The following PDE4D variants were observed in gnomAD, a reference collection of about 807,000 sequenced individuals.
PDE4D encodes the protein 3',5'-cyclic-AMP phosphodiesterase 4D.
A neutral mutation model predicts 87.4 loss-of-function variants in PDE4D; 24 were observed. That is an observed-to-expected ratio of 0.27 (90% CI 0.20 to 0.39). The LOEUF is 0.39. PDE4D is among the 10% of genes least tolerant of loss of function. The probability of loss-of-function intolerance (pLI) is 1.00; values close to 1 mark genes in which losing one functional copy is unlikely to be tolerated. For missense variants in PDE4D, 714 were observed against 1,041.0 expected (o/e 0.69, Z 4.32); for synonymous variants, 384 against 383.2 (o/e 1.00, Z -0.02).
At chr5:59,414,138 T>C (rs1562141789) in intron 1 of PDE4D, among the ~76,000 whole-genome samples, 1 of 152,234 alleles carries the variant, frequency 6.6e-6, no homozygotes, top group Non-Finnish European at 1.5e-5. Context: ...AGAGTTCACG[T>C]GCTCCATCTG....
intron 2 of PDE4D, among the ~76,000 whole-genome samples, chr5:60,146,559 T>G (rs1646556902): frequency 6.6e-6 from 1 of 152,206 alleles, no homozygotes. Context: ...CCTTCTTGCT[T>G]TCATAAAGGA....
intron 2 of PDE4D, among the ~76,000 whole-genome samples, chr5:60,002,458 C>A (rs575484946): frequency 2.6e-4 from 39 of 152,088 alleles, no homozygotes; most frequent in African/African-American, 8.4e-4. Flanking sequence ...CAGATAAGGA[C>A]CCTATAAGAA....
chr5:59,711,300 C>G (rs1396980738), intron 1 of PDE4D, among the ~76,000 whole-genome samples: 1 of 151,916 alleles, frequency 6.6e-6, no homozygotes, highest in Non-Finnish European at 1.5e-5. Flanking sequence ...CATAATTGCC[C>G]TTAGTATAAT....
At chr5:60,200,432 G>C (rs1445853822) in intron 1 of PDE4D, among the ~76,000 whole-genome samples, 1 of 151,168 alleles carries the variant, frequency 6.6e-6, no homozygotes, top group Non-Finnish European at 1.5e-5. Flanking sequence ...TGACCCAAAA[G>C]AAACTATTCT....
At chr5:60,231,696 A>G (rs1459261703) in intron 1 of PDE4D, among the ~76,000 whole-genome samples, 1 of 151,960 alleles carries the variant, frequency 6.6e-6, no homozygotes, top group African/African-American at 2.4e-5. Context: ...TTCAAATAAG[A>G]CAGTTGTAAT....
chr5:59,865,484 C>T (rs571771830), intron 1 of PDE4D, among the ~76,000 whole-genome samples: 1 of 152,144 alleles, frequency 6.6e-6, no homozygotes, highest in East Asian at 1.9e-4. Flanking sequence ...ACTGCCACAG[C>T]CTTTTGTAGA....
chr5:59,536,504 C>CAAAAAAAAAAAAAAAAAAAAAAAAAAA (rs10586960), intron 1 of PDE4D, among the ~76,000 whole-genome samples: 1 of 56,384 alleles, frequency 1.8e-5, no homozygotes, highest in African/African-American at 9.3e-5. Flanking sequence ...GACTCAGCCT[C>CAAAAAAAAAAAAAAAAAAAAAAAAAAA]AAAAAAAAAA....
At chr5:59,220,228 G>A (rs1752191626) in intron 1 of PDE4D, among the ~76,000 whole-genome samples, 1 of 148,080 alleles carries the variant, frequency 6.8e-6, no homozygotes, top group Admixed American at 6.7e-5. Flanking sequence ...GTAGAAAACA[G>A]AGTAGAGGCT....
chr5:60,125,492 T>C (rs1779053639), intron 2 of PDE4D, among the ~76,000 whole-genome samples: 2 of 152,210 alleles, frequency 1.3e-5, no homozygotes, highest in Admixed American at 6.5e-5. Context: ...ATCCCCTTTA[T>C]TGGGCAGGTA....
intron 1 of PDE4D, among the ~76,000 whole-genome samples, chr5:60,430,546 TTTG>T (rs1156941106): frequency 8.6e-6 from 1 of 116,532 alleles, no homozygotes; most frequent in Non-Finnish European, 1.7e-5. Context: ...TTTTTTTTTG[TTTG>T]TTTTTTTTTT....
intron 5 of PDE4D, among the ~76,000 whole-genome samples, chr5:59,058,790 C>T (rs1006376119): frequency 6.6e-6 from 1 of 152,248 alleles, no homozygotes; most frequent in African/African-American, 2.4e-5. Flanking sequence ...AAAAAAATCA[C>T]TTCCGTAAGT....
At position 58,974,508 on chromosome 5, in the gene PDE4D, T is replaced by C. The variant is rs1329107596; in HGVS notation, c.*156A>G. 1.8e-6 allele frequency: 1 copy of C among 555,926 alleles called. No homozygotes were observed. Among genetic ancestry groups the C allele is most frequent in the Non-Finnish European group, 3.0e-6 (1 of 331,152 alleles). 34.4% of individuals were successfully genotyped at this position (555,926 alleles called of 1,614,324 possible). On this transcript the variant is annotated 3_prime_UTR_variant, in exon 15 of 15. Coordinates refer to ENST00000340635, the MANE Select transcript of PDE4D (RefSeq NM_001104631.2). ...GGAGGTGAAAAAACTGGTTACGATA[T>C]TCCTGAGCGCTGGACTGAGTAGTCA...
chr5:59,771,935 C>CA (rs1183736307), intron 1 of PDE4D, among the ~76,000 whole-genome samples: 6 of 152,296 alleles, frequency 3.9e-5, no homozygotes, highest in Admixed American at 6.5e-5. Flanking sequence ...AGTTTCTTTA[C>CA]AGGTCCCCAT....
intron 1 of PDE4D, among the ~76,000 whole-genome samples, chr5:59,689,958 C>T (rs1561481729): frequency 6.6e-6 from 1 of 152,130 alleles, no homozygotes; most frequent in Admixed American, 6.5e-5. Flanking sequence ...AAGTGAACTC[C>T]AATTCACAAT....
At chr5:60,269,142 A>C (rs1007580866) in intron 1 of PDE4D, among the ~76,000 whole-genome samples, 1 of 152,066 alleles carries the variant, frequency 6.6e-6, no homozygotes, top group Admixed American at 6.5e-5. Flanking sequence ...ATCTCTACTA[A>C]AAATATTTTA....
chr5:59,003,412 CCTT>C (rs1357845488), intron 6 of PDE4D, among the ~76,000 whole-genome samples: 2 of 152,206 alleles, frequency 1.3e-5, no homozygotes, highest in Non-Finnish European at 2.9e-5. Flanking sequence ...AAAATACCCT[CCTT>C]CTTCTACTCT....
intron 2 of PDE4D, among the ~76,000 whole-genome samples, chr5:59,203,650 T>A (rs750729364): frequency 8.6e-5 from 13 of 151,324 alleles, no homozygotes; most frequent in Non-Finnish European, 1.9e-4. Flanking sequence ...CACACTAGAA[T>A]CCTACTCAGG....
chr5:60,347,545 C>G (rs939930081), intron 1 of PDE4D, among the ~76,000 whole-genome samples: 1 of 151,942 alleles, frequency 6.6e-6, no homozygotes, highest in African/African-American at 2.4e-5. Context: ...TGTTCTCTCA[C>G]AGAAATATTG....
chr5:59,746,303 G>T (rs16877195), intron 1 of PDE4D, among the ~76,000 whole-genome samples: 36,134 of 152,060 alleles, frequency 0.24, 4,518 homozygotes, highest in South Asian at 0.26. Flanking sequence ...ACACGGCCAA[G>T]ATGTGAGAAT....
Sources: allele counts gnomAD v4.1 joint callset (sites outside exome capture counted in the v4.1 genomes callset), GRCh38; gene constraint gnomAD v4.1.1; transcripts MANE v1.5; gene names NCBI Gene and HGNC (gene_info 2026-07-23, HGNC 2026-07-21).